The following EYA4 variants were observed in gnomAD, a reference collection of about 807,000 sequenced individuals.
EYA4 encodes EYA transcriptional coactivator and phosphatase 4, also known as protein phosphatase EYA4.
In EYA4, 31 loss-of-function variants were observed where a neutral mutation model predicts 87.9. The ratio of observed to expected loss-of-function variants is 0.35; its 90% CI spans 0.27 to 0.48. The LOEUF (loss-of-function observed/expected upper bound fraction) is 0.48, where lower values mean the gene tolerates loss of function less well. EYA4 is among the 20% of genes least tolerant of loss of function. EYA4 has a pLI of 0.99. For synonymous variants in EYA4, 263 were observed against 270.6 expected, an observed-to-expected ratio of 0.97 and a Z score of 0.28; for missense variants, 678 against 761.4, an observed-to-expected ratio of 0.89 and a Z score of 1.29.
At chr6:133,372,258 C>A (rs1785322022) in intron 2 of EYA4, among the ~76,000 whole-genome samples, 1 of 151,992 alleles carries the variant, frequency 6.6e-6, no homozygotes, top group Non-Finnish European at 1.5e-5. Flanking sequence ...ATTTTCAGCT[C>A]TTAGTTTACA....
rs575257799 is a variant in EYA4, at chr6:133,368,015, G to A, written c.34-14377G>A. On this transcript the variant is annotated intron_variant, in intron 2 of 19. Transcript: ENST00000355286. ...TGGTGGCAGTATGCTGGAACCAGAA[G>A]GGCATCCTAGACATCTCTGTTTATA... 3.9e-5 allele frequency among the ~76,000 whole-genome samples: 6 copies of A among 152,162 alleles called. 1 individual carries two copies. The highest frequency in any genetic ancestry group is 1.4e-4 in the African/African-American group (6 of 41,490).
chr6:133,389,513 A>G (rs1015697305), intron 3 of EYA4, among the ~76,000 whole-genome samples: 1 of 152,194 alleles, frequency 6.6e-6, no homozygotes, highest in African/African-American at 2.4e-5. Flanking sequence ...TCCCCAGTAC[A>G]TATCTGTTAA....
chr6:133,446,455 ATTTG>A (rs1288637669), intron 3 of EYA4, among the ~76,000 whole-genome samples, 171 bp from the exon 4 acceptor site: 2 of 151,998 alleles, frequency 1.3e-5, no homozygotes, highest in African/African-American at 4.8e-5. Flanking sequence ...TTATTTATGC[ATTTG>A]TTTGTATGTT....
intron 2 of EYA4, among the ~76,000 whole-genome samples, chr6:133,304,426 A>G (rs1197593825): frequency 6.6e-6 from 1 of 152,162 alleles, no homozygotes; most frequent in Non-Finnish European, 1.5e-5. Flanking sequence ...AAATATGCAT[A>G]TAGGCAAGCT....
Position 133,446,635 on chromosome 6 carries a change from T to C in EYA4, c.89T>C (p.Met30Thr). 1 of 1,613,992 alleles carries C rather than the reference T, an allele frequency of 6.2e-7. No individual in the cohort carries two copies. The highest frequency in any genetic ancestry group is 2.2e-5 in the East Asian group (1 of 44,824). Residue 30 changes from methionine to threonine, a missense_variant, in exon 4 of 20, where the codon ATG becomes ACG. Coordinates refer to ENST00000355286, the MANE Select transcript of EYA4 (RefSeq NM_004100.5). The stretch of plus-strand genomic sequence containing the variant: ...GCTGCTTACTGCTCTACCAGGTCTA[T>C]GGAAATGCAGGACCTAGCAAGTCCT... ...DVSQSQNSRS[M>T]EMQDLASPHT...
At chr6:133,463,145 T>C (rs983899121) in intron 9 of EYA4, among the ~76,000 whole-genome samples, 1 of 152,160 alleles carries the variant, frequency 6.6e-6, no homozygotes, top group Non-Finnish European at 1.5e-5. Flanking sequence ...GTTTTGATTA[T>C]ACTTAAACTT....
intron 1 of EYA4, among the ~76,000 whole-genome samples, chr6:133,252,861 C>T (rs1775011463): frequency 6.6e-6 from 1 of 151,604 alleles, no homozygotes; most frequent in African/African-American, 2.4e-5. Context: ...GGTAGATAAT[C>T]ATGGAAGCAG....
chr6:133,380,922 CTTTT>C (rs1294601836), intron 2 of EYA4, among the ~76,000 whole-genome samples: 1 of 144,850 alleles, frequency 6.9e-6, no homozygotes, highest in Non-Finnish European at 1.5e-5. Context: ...TCCTTCCTTC[CTTTT>C]TCCTCCTCCT....
At position 133,481,609 on chromosome 6, in the gene EYA4, C is replaced by G. The variant is rs752586864; in HGVS notation, c.1107+10C>G. 1.1e-5 allele frequency: 18 copies of G among 1,613,566 alleles called. 1 individual carries two copies. The highest frequency in any genetic ancestry group is 6.7e-5 in the East Asian group (3 of 44,868). On this transcript the variant is annotated intron_variant, in intron 12 of 19. Coordinates refer to ENST00000355286, the MANE Select transcript of EYA4 (RefSeq NM_004100.5). ...TGATAGTGACCTGGAGGTATGCCTA[C>G]TCATTCTTAAAGATTGTAGTGTGAT...
chr6:133,302,186 T>C (rs1284407862), intron 2 of EYA4, among the ~76,000 whole-genome samples: 1 of 152,156 alleles, frequency 6.6e-6, no homozygotes, highest in African/African-American at 2.4e-5. Context: ...TAAGCAATAA[T>C]AGGGTGGGAT....
At chr6:133,381,305 G>A (rs960657820) in intron 2 of EYA4, among the ~76,000 whole-genome samples, 10 of 151,934 alleles carry the variant, frequency 6.6e-5, no homozygotes, top group Non-Finnish European at 1.3e-4. Flanking sequence ...AGCAAAAGAC[G>A]GGATTTTTGA....
chr6:133,446,314 CAG>C (rs1054322432), intron 3 of EYA4, among the ~76,000 whole-genome samples: 1 of 151,944 alleles, frequency 6.6e-6, no homozygotes, highest in African/African-American at 2.4e-5. Context: ...TTTTATATGT[CAG>C]TGATAACATG....
chr6:133,461,304 A>C lies in EYA4; in HGVS notation c.437+124A>C, dbSNP rs535346702. On this transcript the variant is annotated intron_variant, in intron 7 of 19. Coordinates refer to ENST00000355286, the MANE Select transcript of EYA4 (RefSeq NM_004100.5). Reference sequence around the variant, plus strand: ...GATAAATATCCTGTACAAATTTGAAATGGAGACACCCACATGTATCTTGAT... The same window carrying C: ...GATAAATATCCTGTACAAATTTGAACTGGAGACACCCACATGTATCTTGAT... The C allele has an allele frequency of 1.1e-5, 8 of 755,852 alleles. No homozygotes were observed. The Admixed American group carries it at 1.3e-4, about 12-fold the overall frequency. The allele number at this position is 755,852 out of a possible 1,614,324, so 46.8% of individuals were successfully genotyped here.
At chr6:133,356,903 AG>A (rs1431673051) in intron 2 of EYA4, among the ~76,000 whole-genome samples, 4 of 151,472 alleles carry the variant, frequency 2.6e-5, no homozygotes, top group African/African-American at 7.3e-5. Context: ...CCCAGGTTCA[AG>A]TGATTCTTTT....
intron 2 of EYA4, among the ~76,000 whole-genome samples, chr6:133,329,356 T>C (rs1485881951): frequency 1.3e-5 from 2 of 152,080 alleles, no homozygotes; most frequent in African/African-American, 4.8e-5. Flanking sequence ...TTTTTACAAA[T>C]GCTATAGAGG....
intron 2 of EYA4, among the ~76,000 whole-genome samples, chr6:133,318,498 C>T (rs1780792809): frequency 6.6e-6 from 1 of 152,098 alleles, no homozygotes; most frequent in Non-Finnish European, 1.5e-5. Context: ...GTGTCTTCAT[C>T]TTCGTATCTA....
chr6:133,382,425 C>T lies in EYA4; in HGVS notation c.67C>T (p.Gln23Ter), dbSNP rs1293420539. Residue 23 changes from glutamine to a stop codon, truncating the protein, a stop_gained, in exon 3 of 20, where the codon CAA becomes TAA. Coordinates refer to ENST00000355286, the MANE Select transcript of EYA4 (RefSeq NM_004100.5). LOFTEE classifies it high-confidence loss of function. Reference sequence around the variant, plus strand: ...AACGTGCACAGAATCAGATGTTTCACAATCTCAGAATTCCAGGTACAGTAA... The same window carrying T: ...AACGTGCACAGAATCAGATGTTTCATAATCTCAGAATTCCAGGTACAGTAA... ...KKTCTESDVS[Q>*]SQNSRSMEMQ... The T allele has an allele frequency of 6.2e-7, 1 of 1,610,712 alleles. No homozygotes were observed. Among genetic ancestry groups the T allele is most frequent in the South Asian group, 1.1e-5 (1 of 91,020 alleles).
At chr6:133,285,749 G>A (rs748578067) in intron 2 of EYA4, among the ~76,000 whole-genome samples, 6 of 152,298 alleles carry the variant, frequency 3.9e-5, no homozygotes, top group East Asian at 3.9e-4. Flanking sequence ...GTAGTAAGTC[G>A]TTGCATTGGG....
chr6:133,529,216 C>T lies in EYA4; in HGVS notation c.*411C>T. On this transcript the variant is annotated 3_prime_UTR_variant, in exon 20 of 20. Transcript: ENST00000355286. Reference sequence around the variant, plus strand: ...GAGGTTTGAATCTGACTTTAGCCTACCTAACCCAGAAAATCTGAATTGGAA... The same window carrying T: ...GAGGTTTGAATCTGACTTTAGCCTATCTAACCCAGAAAATCTGAATTGGAA... 1 of 1,135,096 alleles carries T rather than the reference C, an allele frequency of 8.8e-7. No homozygotes were observed. The highest frequency in any genetic ancestry group is 1.1e-6 in the Non-Finnish European group (1 of 917,804). The allele number at this position is 1,135,096 out of a possible 1,614,324, so 70.3% of individuals were successfully genotyped here. A position where few individuals can be genotyped will look rare whatever the true frequency, so the allele number is the denominator to read the frequency against.
Sources: allele counts gnomAD v4.1 joint callset (sites outside exome capture counted in the v4.1 genomes callset), GRCh38; gene constraint gnomAD v4.1.1; transcripts MANE v1.5; gene names NCBI Gene and HGNC (gene_info 2026-07-23, HGNC 2026-07-21).